PGM2L1: variants seen among roughly 807,000 people sequenced by gnomAD.
PGM2L1 encodes phosphoglucomutase 2 like 1.
PGM2L1 carries 35 observed loss-of-function variants against 73.4 expected under a neutral mutation model. That is an observed-to-expected ratio of 0.48 (90% confidence interval 0.36 to 0.63). The LOEUF (loss-of-function observed/expected upper bound fraction) is 0.63, where lower values mean the gene tolerates loss of function less well. Among genes scored for constraint, PGM2L1 ranks in the 30% least tolerant of loss-of-function variants. PGM2L1 has a pLI of 0.00. For missense variants in PGM2L1, 570 were observed against 742.0 expected (o/e 0.77, Z 2.69); for synonymous variants, 225 against 253.8 (o/e 0.89, Z 1.08).
At position 74,347,286 on chromosome 11, in the gene PGM2L1, C is replaced by T. The variant is rs768209550; in HGVS notation, c.801G>A (p.Gly267=). ...TLKFVHTSFH[G]VGHDYVQLAF... Reference sequence around the variant, plus strand: ...CCAACTGCACATAGTCATGTCCGACCCCATGAAAAGATGTGTGCACAAATT... The same window carrying T: ...CCAACTGCACATAGTCATGTCCGACTCCATGAAAAGATGTGTGCACAAATT... Residue 267 remains glycine (G), a synonymous_variant, in exon 7 of 14, where the codon GGG becomes GGA. Coordinates refer to ENST00000298198, the MANE Select transcript of PGM2L1 (RefSeq NM_173582.6). The T allele has an allele frequency of 1.2e-6, 2 of 1,609,462 alleles. No homozygotes were observed. Among genetic ancestry groups the T allele is most frequent in the Non-Finnish European group, 1.7e-6 (2 of 1,177,864 alleles).
intron 5 of PGM2L1, among the ~76,000 whole-genome samples, chr11:74,353,528 A>G (rs613296): frequency 0.71 from 105,237 of 147,208 alleles, 37,698 homozygotes; most frequent in East Asian, 0.81. Flanking sequence ...ATTAGGGAGT[A>G]GTGATGACTC....
At chr11:74,347,593 C>T (rs1212404894) in intron 6 of PGM2L1, among the ~76,000 whole-genome samples, 1 of 152,186 alleles carries the variant, frequency 6.6e-6, no homozygotes, top group Non-Finnish European at 1.5e-5. Flanking sequence ...ATACCCTGAA[C>T]AAGCTAAGCT....
intron 1 of PGM2L1, among the ~76,000 whole-genome samples, chr11:74,384,319 A>G (rs767006629): frequency 6.6e-6 from 1 of 152,092 alleles, no homozygotes; most frequent in African/African-American, 2.4e-5. Flanking sequence ...TACTTTTTGT[A>G]TTATTTTCAT....
chr11:74,356,103 T>C (rs890486392), intron 5 of PGM2L1, among the ~76,000 whole-genome samples: 4 of 152,138 alleles, frequency 2.6e-5, no homozygotes, highest in African/African-American at 4.8e-5. Flanking sequence ...TGAAGCCATC[T>C]TGGTAAATTT....
At chr11:74,349,998 C>T (rs1310878611) in intron 6 of PGM2L1, among the ~76,000 whole-genome samples, 2 of 152,056 alleles carry the variant, frequency 1.3e-5, no homozygotes, top group East Asian at 3.9e-4. Flanking sequence ...AATAATTCTT[C>T]TCTGTGTAAT....
At position 74,333,818 on chromosome 11, in the gene PGM2L1, C is replaced by T. The variant is rs1225689688; in HGVS notation, c.*2834G>A. Reference sequence around the variant, plus strand: ...ATGCTTTGATCTTGCCCTACTAATTCTCTCCTTTTCTCCAAAGCTTTAGAA... The same window carrying T: ...ATGCTTTGATCTTGCCCTACTAATTTTCTCCTTTTCTCCAAAGCTTTAGAA... On this transcript the variant is annotated 3_prime_UTR_variant, in exon 14 of 14. Transcript: ENST00000298198. 2 of 152,200 alleles carry T rather than the reference C, an allele frequency of 1.3e-5. 1 individual carries two copies. Among genetic ancestry groups the T allele is most frequent in the Admixed American group, 1.3e-4 (2 of 15,278 alleles). 9.4% of individuals were successfully genotyped at this position (152,200 alleles called of 1,614,324 possible).
In PGM2L1 at chr11:74,374,439, G is replaced by A. The variant is rs1297132595; in HGVS notation, c.255C>T (p.Asp85=). The change falls in exon 2 of 14, where the codon GAC becomes GAT. Residue 85 remains aspartate (D), a synonymous_variant. Transcript: ENST00000298198. The part of the protein sequence containing the change: ...AMGAGFCYIN[D]LTVIQSTQGM... Reference sequence around the variant, plus strand: ...CCTGTGTTGACTGTATTACTGTAAGGTCATTAATATAGCAAAACCCTGCCC... The same window carrying A: ...CCTGTGTTGACTGTATTACTGTAAGATCATTAATATAGCAAAACCCTGCCC... 1 of 1,613,434 alleles carries A rather than the reference G, an allele frequency of 6.2e-7. No individual in the cohort carries two copies. The highest frequency in any genetic ancestry group is 2.2e-5 in the East Asian group (1 of 44,876).
At chr11:74,354,026 TTCTC>T (rs1224271304) in intron 5 of PGM2L1, among the ~76,000 whole-genome samples, 32 of 152,094 alleles carry the variant, frequency 2.1e-4, no homozygotes, top group African/African-American at 7.2e-4. Context: ...ATCCTATTCT[TTCTC>T]TCTGTCCCCT....
At chr11:74,367,797 C>A (rs540161226) in intron 5 of PGM2L1, among the ~76,000 whole-genome samples, 1 of 152,196 alleles carries the variant, frequency 6.6e-6, no homozygotes, top group Non-Finnish European at 1.5e-5. Flanking sequence ...GAATTAATCA[C>A]GCTTCTTCTC....
chr11:74,390,217 A>G (rs372048488), intron 1 of PGM2L1, among the ~76,000 whole-genome samples: 1 of 151,706 alleles, frequency 6.6e-6, no homozygotes, highest in African/African-American at 2.4e-5. Context: ...AACAAACAGA[A>G]GTGCTAGTCT....
chr11:74,395,340 GA>G (rs1299122297), intron 1 of PGM2L1, among the ~76,000 whole-genome samples: 1 of 151,762 alleles, frequency 6.6e-6, no homozygotes, highest in Non-Finnish European at 1.5e-5. Context: ...TACAAATTAA[GA>G]ATTTATCTTC....
At chr11:74,387,154 A>C (rs1277907273) in intron 1 of PGM2L1, among the ~76,000 whole-genome samples, 6 of 152,052 alleles carry the variant, frequency 3.9e-5, no homozygotes, top group Non-Finnish European at 8.8e-5. Context: ...CCCCTCCACA[A>C]CTCCATTCCA....
chr11:74,374,608 A>G, intron 1 of PGM2L1, 26 bp from the exon 2 acceptor site: 1 of 1,600,206 alleles, frequency 6.2e-7, no homozygotes, highest in Non-Finnish European at 8.6e-7. Flanking sequence ...ATTAAAACTT[A>G]ACCAGGAATC....
chr11:74,353,381 G>C (rs991646017), intron 5 of PGM2L1, among the ~76,000 whole-genome samples: 3 of 151,450 alleles, frequency 2.0e-5, no homozygotes, highest in African/African-American at 4.9e-5. Context: ...GTGTTTCTCG[G>C]AGAGGGGGAT....
Position 74,374,522 on chromosome 11 carries a change from G to A in PGM2L1, c.172C>T (p.Arg58Ter). 1 of 1,614,056 alleles carries A rather than the reference G, an allele frequency of 6.2e-7. No individual in the cohort carries two copies. The highest frequency in any genetic ancestry group is 8.5e-7 in the Non-Finnish European group (1 of 1,179,960). Residue 58 changes from arginine (R) to a stop codon, truncating the protein, a stop_gained, in exon 2 of 14, where the codon CGA becomes TGA. Transcript: ENST00000298198. LOFTEE classifies it high-confidence loss of function. ...GTCATTCGGCAACAAAGACGATCTC[G>A]CAGCTCCTTGTTCATCCCATTCCGT... ...LLRNGMNKELRDRLCCRMTFG... is the reference protein window; with the variant it reads ...LLRNGMNKEL
chr11:74,350,781 G>A (rs1862337544), intron 6 of PGM2L1, among the ~76,000 whole-genome samples: 1 of 152,168 alleles, frequency 6.6e-6, no homozygotes, highest in Non-Finnish European at 1.5e-5. Flanking sequence ...GGAGGCTGAG[G>A]CAGGAGAATT....
At chr11:74,347,983 T>C (rs1390293050) in intron 6 of PGM2L1, among the ~76,000 whole-genome samples, 1 of 152,198 alleles carries the variant, frequency 6.6e-6, no homozygotes, top group Non-Finnish European at 1.5e-5. Context: ...TCTTCTCTCC[T>C]TATTCCTTTC....
chr11:74,394,371 G>A (rs1238882972), intron 1 of PGM2L1, among the ~76,000 whole-genome samples: 1 of 152,160 alleles, frequency 6.6e-6, no homozygotes, highest in Non-Finnish European at 1.5e-5. Context: ...AGTACATCCT[G>A]AGACAAGGTA....
intron 2 of PGM2L1, among the ~76,000 whole-genome samples, chr11:74,373,882 A>G (rs1286141766): frequency 7.9e-5 from 12 of 152,204 alleles, no homozygotes; most frequent in Non-Finnish European, 1.5e-4. Flanking sequence ...ATAACGCTTA[A>G]TCAGAAAGTC....
Sources: allele counts gnomAD v4.1 joint callset (sites outside exome capture counted in the v4.1 genomes callset), GRCh38; gene constraint gnomAD v4.1.1; transcripts MANE v1.5; gene names NCBI Gene and HGNC (gene_info 2026-07-23, HGNC 2026-07-21).